Variants in HERC3 observed in about 807,000 individuals in gnomAD.
The protein encoded by HERC3 is probable E3 ubiquitin-protein ligase HERC3.
In HERC3, 58 loss-of-function variants were observed where a neutral mutation model predicts 129.9. The ratio of observed to expected loss-of-function variants is 0.45; its 90% CI spans 0.36 to 0.56. HERC3 has a LOEUF of 0.56. Among genes scored for constraint, HERC3 ranks in the 20% least tolerant of loss-of-function variants. The pLI is 0.00. For missense variants in HERC3, 835 were observed against 1,244.2 expected (o/e 0.67, Z 4.95); for synonymous variants, 430 against 451.0 (o/e 0.95, Z 0.59).
the HERC3 span, among the ~76,000 whole-genome samples, chr4:88,587,429 C>A: frequency 6.6e-6 from 1 of 152,136 alleles, no homozygotes; most frequent in East Asian, 1.9e-4. Flanking sequence ...AGCATTGTTA[C>A]AAGGGACAAC....
At chr4:88,561,952 A>G in the HERC3 span, among the ~76,000 whole-genome samples, 1 of 152,202 alleles carries the variant, frequency 6.6e-6, no homozygotes, top group Admixed American at 6.5e-5. Context: ...GCTTCAATAA[A>G]CATGATAGTA....
intron 3 of HERC3, among the ~76,000 whole-genome samples, chr4:88,619,489 A>G (rs1203888156): frequency 6.6e-6 from 1 of 152,198 alleles, no homozygotes; most frequent in Admixed American, 6.5e-5. Context: ...TTCCAGATGT[A>G]TGAAAGACAT....
In HERC3 at chr4:88,708,166, G is replaced by A. The variant is rs1735921803; in HGVS notation, c.*1206G>A. 1 of 152,498 alleles carries A rather than the reference G, an allele frequency of 6.6e-6. No individual in the cohort carries two copies. Among genetic ancestry groups the A allele is most frequent in the South Asian group, 2.1e-4 (1 of 4,828 alleles). The allele number at this position is 152,498 out of a possible 1,614,324, so 9.4% of individuals were successfully genotyped here. A position where few individuals can be genotyped will look rare whatever the true frequency, so the allele number is the denominator to read the frequency against. On this transcript the variant is annotated 3_prime_UTR_variant, in exon 26 of 26. Transcript: ENST00000402738. ...TTACAGTGGGATTTTAGGGGGGATT[G>A]TGTTTAAATCAAATATATGTATTTT...
chr4:88,635,754 G>A (rs534581165), intron 3 of HERC3, among the ~76,000 whole-genome samples: 24 of 152,088 alleles, frequency 1.6e-4, no homozygotes, highest in Non-Finnish European at 2.6e-4. Flanking sequence ...AGCGAGAAAG[G>A]CCATGTCACC....
intron 2 of HERC3, among the ~76,000 whole-genome samples, chr4:88,602,373 G>A (rs1723092581): frequency 1.5e-5 from 2 of 136,118 alleles, no homozygotes; most frequent in African/African-American, 5.6e-5. Flanking sequence ...CTGCACTCCA[G>A]CCTGGGAGAC....
At chr4:88,564,796 T>C in the HERC3 span, among the ~76,000 whole-genome samples, 4 of 152,142 alleles carry the variant, frequency 2.6e-5, no homozygotes, top group East Asian at 7.7e-4. Flanking sequence ...CTTTTCTACT[T>C]CTTTAAGGTG....
chr4:88,673,350 T>C (rs1471856799), intron 16 of HERC3, among the ~76,000 whole-genome samples: 1 of 152,170 alleles, frequency 6.6e-6, no homozygotes, highest in African/African-American at 2.4e-5. Context: ...CCTGCCCCAC[T>C]TGCAGCCACA....
rs1237612107 is a variant in HERC3, at chr4:88,706,761, C to A, written c.2954C>A (p.Thr985Lys). 2 of 1,613,978 alleles carry A rather than the reference C, an allele frequency of 1.2e-6. No individual in the cohort carries two copies. Among genetic ancestry groups the A allele is most frequent in the Non-Finnish European group, 1.7e-6 (2 of 1,179,972 alleles). Residue 985 changes from threonine to lysine, a missense_variant, in exon 26 of 26, where the codon ACA becomes AAA. By Grantham distance (78) the Thr-to-Lys change is moderately conservative. Transcript: ENST00000402738. ...EKKKKFLLFL[T>K]GSDRIPIYGM... ...TTCTCGTTCTCCCCAGTGTTCCTGA[C>A]AGGCAGCGATCGGATTCCCATCTAC...
intron 1 of HERC3, among the ~76,000 whole-genome samples, chr4:88,595,202 G>T (rs975251295): frequency 6.8e-6 from 1 of 147,742 alleles, no homozygotes; most frequent in Non-Finnish European, 1.5e-5. Context: ...GAAAAATAAA[G>T]AAAATAGACA....
the HERC3 span, among the ~76,000 whole-genome samples, chr4:88,532,848 G>A: frequency 1.0e-3 from 152 of 152,316 alleles, no homozygotes; most frequent in Middle Eastern, 3.4e-3. Context: ...AGAGCTTGAG[G>A]AAGAGGCAAG....
At chr4:88,629,882 G>A (rs973619773) in intron 3 of HERC3, among the ~76,000 whole-genome samples, 30 of 152,124 alleles carry the variant, frequency 2.0e-4, no homozygotes, top group African/African-American at 7.2e-4. Context: ...TATTTGTTGT[G>A]ATTTTACAGT....
chr4:88,644,501 T>C (rs1430008439), intron 3 of HERC3, among the ~76,000 whole-genome samples: 2 of 152,174 alleles, frequency 1.3e-5, no homozygotes, highest in Non-Finnish European at 2.9e-5. Flanking sequence ...ACAATCCAGT[T>C]TCAAAGAGTT....
upstream of HERC3, chr4:88,592,293 G>C (rs1721764807): frequency 6.5e-6 from 1 of 152,786 alleles, no homozygotes; most frequent in African/African-American, 2.4e-5. Context: ...ACCTCGGGCA[G>C]CCTGCGCCTG....
chr4:88,547,987 A>C, the HERC3 span, among the ~76,000 whole-genome samples: 1 of 152,192 alleles, frequency 6.6e-6, no homozygotes, highest in Non-Finnish European at 1.5e-5. Context: ...AGTTTCATAC[A>C]TGTTTTAGCA....
chr4:88,655,109 A>T (rs1229268663), intron 7 of HERC3, 65 bp from the exon 8 acceptor site: 2 of 1,543,092 alleles, frequency 1.3e-6, no homozygotes, highest in East Asian at 2.3e-5. Context: ...GGCATTTTGT[A>T]TACAGGGTTT....
At chr4:88,578,307 CAT>C in the HERC3 span, among the ~76,000 whole-genome samples, 1 of 152,152 alleles carries the variant, frequency 6.6e-6, no homozygotes, top group Admixed American at 6.6e-5. Flanking sequence ...ACTGGCTGAG[CAT>C]GGTTGCTCAT....
chr4:88,668,110 T>C (rs1050924608), intron 14 of HERC3, 29 bp downstream of exon 14: 3 of 1,565,242 alleles, frequency 1.9e-6, no homozygotes, highest in Non-Finnish European at 2.6e-6. Flanking sequence ...ATATCAGTGG[T>C]TTTATGGTCA....
the HERC3 span, among the ~76,000 whole-genome samples, chr4:88,566,428 ACTT>A: frequency 8.5e-5 from 13 of 152,162 alleles, no homozygotes; most frequent in African/African-American, 2.2e-4. Context: ...TTGCTTTTTA[ACTT>A]CTTCTATTTA....
chr4:88,703,955 C>T, intron 23 of HERC3, 143 bp from the exon 24 acceptor site: 2 of 714,762 alleles, frequency 2.8e-6, no homozygotes, highest in Non-Finnish European at 4.7e-6. Flanking sequence ...AGCTGGTAAC[C>T]TATATGATGC....
Sources: gnomAD v4.1 joint callset for allele counts (sites outside exome capture counted in the v4.1 genomes callset) on GRCh38, gnomAD v4.1.1 for gene constraint, MANE v1.5 for transcripts, NCBI Gene and HGNC (gene_info 2026-07-23, HGNC 2026-07-21) for gene names.